GUCY1A2: variants seen among roughly 807,000 people sequenced by gnomAD.
GUCY1A2 encodes guanylate cyclase soluble subunit alpha-2.
In GUCY1A2, 27 loss-of-function variants were observed where a neutral mutation model predicts 63.5. The observed-to-expected ratio is 0.43, with a 90% CI of 0.31 to 0.59. The LOEUF is 0.59. Among genes scored for constraint, GUCY1A2 ranks in the 20% least tolerant of loss-of-function variants. GUCY1A2 has a pLI of 0.11. For missense variants in GUCY1A2, 768 were observed against 913.3 expected (o/e 0.84, Z 2.05); for synonymous variants, 364 against 343.5 (o/e 1.06, Z -0.66).
At chr11:106,868,984 C>T (rs2135462764) in intron 4 of GUCY1A2, among the ~76,000 whole-genome samples, 1 of 152,226 alleles carries the variant, frequency 6.6e-6, no homozygotes, top group South Asian at 2.1e-4. Context: ...TTTGACAAAC[C>T]TGACAAAAAC....
At chr11:106,771,587 A>G (rs533383654) in intron 6 of GUCY1A2, among the ~76,000 whole-genome samples, 2 of 152,154 alleles carry the variant, frequency 1.3e-5, no homozygotes, top group East Asian at 1.9e-4. Flanking sequence ...CATCTCTACT[A>G]AAAAGTTTTT....
At chr11:106,955,009 G>C (rs566324633) in intron 3 of GUCY1A2, among the ~76,000 whole-genome samples, 1,814 of 149,068 alleles carry the variant, frequency 0.012, 23 homozygotes, top group South Asian at 0.048. Context: ...ACAGAGTTTT[G>C]CTCTTGTTGC....
chr11:106,825,286 T>A (rs1194658264), intron 4 of GUCY1A2, among the ~76,000 whole-genome samples: 1 of 152,152 alleles, frequency 6.6e-6, no homozygotes, highest in Non-Finnish European at 1.5e-5. Context: ...GACATAACTA[T>A]CTTTTTGAAA....
chr11:106,829,334 T>A (rs1859020878), intron 4 of GUCY1A2, among the ~76,000 whole-genome samples: 1 of 152,172 alleles, frequency 6.6e-6, no homozygotes, highest in Admixed American at 6.5e-5. Flanking sequence ...TCTCACTCAG[T>A]ATTCTTTCCA....
intron 5 of GUCY1A2, 56 bp from the exon 6 acceptor site, chr11:106,776,638 T>C: frequency 6.6e-7 from 1 of 1,520,702 alleles, no homozygotes; most frequent in Non-Finnish European, 9.0e-7. Context: ...CAAAGAGAAA[T>C]GATTAGTTAT....
At chr11:106,909,355 C>CTGTGTGTGTGTGTG (rs59067320) in intron 4 of GUCY1A2, among the ~76,000 whole-genome samples, 12,616 of 119,800 alleles carry the variant, frequency 0.11, 941 homozygotes, top group Admixed American at 0.13. Context: ...TGGTACTCAT[C>CTGTGTGTGTGTGTG]TGTGTGTGTG....
rs761503334 is a variant in GUCY1A2 at position 107,017,754 on chromosome 11, G to C, written c.302C>G (p.Ser101Trp). The part of the protein sequence containing the change: ...GESISRLTAP[S>W]PQTIQQTLKR... ...TCCCCCCTTCCGCCCCCCGCTCACC[G>C]AGGGCGCCGTCAGGCGGCTGATGCT... Residue 101 changes from serine (S) to tryptophan (W), a missense_variant and splice_region_variant, in exon 1 of 8, where the codon TCG (serine) becomes TGG (tryptophan). This residue lies in a region of GUCY1A2 where 496 missense variants were observed against 486.9 expected (regional missense o/e 1.02). Transcript: ENST00000526355. The C allele has an allele frequency of 1.4e-6, 2 of 1,397,228 alleles. No homozygotes were observed. The highest frequency in any genetic ancestry group is 5.6e-5 in the Admixed American group (2 of 35,914). 86.6% of individuals were successfully genotyped at this position (1,397,228 alleles called of 1,614,324 possible).
At chr11:106,770,084 C>T (rs888895257) in intron 6 of GUCY1A2, among the ~76,000 whole-genome samples, 4 of 151,732 alleles carry the variant, frequency 2.6e-5, no homozygotes, top group African/African-American at 4.8e-5. Context: ...TTAAAAACTA[C>T]AAACAAAATG....
intron 6 of GUCY1A2, among the ~76,000 whole-genome samples, chr11:106,709,564 A>C (rs1396969036): frequency 9.6e-6 from 1 of 104,342 alleles, no homozygotes; most frequent in Non-Finnish European, 1.7e-5. Context: ...TAAATATGTT[A>C]TATACGTGTA....
chr11:106,907,058 C>A (rs1860218741), intron 4 of GUCY1A2, among the ~76,000 whole-genome samples: 1 of 152,114 alleles, frequency 6.6e-6, no homozygotes, highest in African/African-American at 2.4e-5. Context: ...ACATTCTGCA[C>A]ATGTACCCCA....
chr11:106,863,607 T>C (rs1193382256), intron 4 of GUCY1A2, among the ~76,000 whole-genome samples: 1 of 152,176 alleles, frequency 6.6e-6, no homozygotes, highest in African/African-American at 2.4e-5. Context: ...TAGGATTGTC[T>C]TGGCTATATG....
At chr11:106,983,243 T>G (rs903510201) in intron 2 of GUCY1A2, among the ~76,000 whole-genome samples, 1 of 152,196 alleles carries the variant, frequency 6.6e-6, no homozygotes, top group Admixed American at 6.5e-5. Flanking sequence ...ATTTATCACA[T>G]TGCATGAATA....
chr11:106,743,806 G>C (rs1241066589), intron 6 of GUCY1A2, among the ~76,000 whole-genome samples: 1 of 152,166 alleles, frequency 6.6e-6, no homozygotes, highest in Non-Finnish European at 1.5e-5. Context: ...GACAACCAAA[G>C]TCCTAGGGTA....
chr11:106,965,677 C>T (rs932767557), intron 3 of GUCY1A2, among the ~76,000 whole-genome samples: 4 of 152,146 alleles, frequency 2.6e-5, no homozygotes, highest in Admixed American at 6.5e-5. Flanking sequence ...ACAGCAGAGA[C>T]GACATCAGCC....
chr11:106,913,986 C>CAAAAAAAAAAAAAAAAA (rs11325847), intron 4 of GUCY1A2, among the ~76,000 whole-genome samples: 5 of 71,242 alleles, frequency 7.0e-5, no homozygotes, highest in South Asian at 5.5e-4. Context: ...AATGAAAAAG[C>CAAAAAAAAAAAAAAAAA]AAAAAAAAAA....
At chr11:106,841,920 T>C (rs541865919) in intron 4 of GUCY1A2, among the ~76,000 whole-genome samples, 1 of 152,028 alleles carries the variant, frequency 6.6e-6, no homozygotes, top group South Asian at 2.1e-4. Flanking sequence ...ATATTCTGAA[T>C]TTCCTCTTCA....
chr11:106,725,508 T>C (rs1168865425), intron 6 of GUCY1A2, among the ~76,000 whole-genome samples: 1 of 152,156 alleles, frequency 6.6e-6, no homozygotes, highest in Admixed American at 6.5e-5. Context: ...TAGGAGAGTA[T>C]ACATATTCTA....
At chr11:106,917,543 C>A (rs1480438583) in intron 4 of GUCY1A2, among the ~76,000 whole-genome samples, 1 of 144,490 alleles carries the variant, frequency 6.9e-6, no homozygotes, top group African/African-American at 2.4e-5. Flanking sequence ...GGAACCAACC[C>A]AAATGCCCAA....
chr11:106,854,169 AG>A (rs1859394818), intron 4 of GUCY1A2, among the ~76,000 whole-genome samples: 2 of 152,220 alleles, frequency 1.3e-5, no homozygotes. Flanking sequence ...GAGGAGGGCC[AG>A]GTTGGCATGT....
Sources: gnomAD v4.1 joint callset for allele counts (sites outside exome capture counted in the v4.1 genomes callset) on GRCh38, gnomAD v4.1.1 for gene constraint, gnomAD v4.1.1 regional missense constraint, MANE v1.5 for transcripts, NCBI Gene and HGNC (gene_info 2026-07-23, HGNC 2026-07-21) for gene names.